Variants in NR6A1 observed in about 807,000 individuals in gnomAD.
NR6A1 encodes the protein retinoic acid receptor-related testis-associated receptor.
In NR6A1, 7 loss-of-function variants were observed where a neutral mutation model predicts 59.1. That is an observed-to-expected ratio of 0.12 (90% CI 0.07 to 0.22). The LOEUF is 0.22. Ranked by LOEUF, NR6A1 falls within the 10% of genes least tolerant of loss-of-function variation. The pLI is 1.00. For missense variants in NR6A1, 468 were observed against 611.6 expected, an observed-to-expected ratio of 0.77 and a Z score of 2.48; for synonymous variants, 243 against 236.1, an observed-to-expected ratio of 1.03 and a Z score of -0.27.
intron 2 of NR6A1, among the ~76,000 whole-genome samples, chr9:124,672,928 A>G (rs1208485994): frequency 6.6e-6 from 1 of 152,162 alleles, no homozygotes; most frequent in Non-Finnish European, 1.5e-5. Context: ...CAGAAAAATA[A>G]AAGACATTTG....
chr9:124,683,121 G>A (rs748525002), intron 2 of NR6A1, among the ~76,000 whole-genome samples: 2 of 152,122 alleles, frequency 1.3e-5, no homozygotes, highest in Non-Finnish European at 2.9e-5. Context: ...AGGATCACTT[G>A]AGCTCAGGAG....
At chr9:124,595,764 T>C (rs1835254462) in intron 2 of NR6A1, 1 of 1,288,182 alleles carries the variant, frequency 7.8e-7, no homozygotes, top group South Asian at 1.2e-5. Context: ...CATGTCTCCA[T>C]TTCATGCTTC....
At chr9:124,629,312 G>T (rs1836350612) in intron 2 of NR6A1, among the ~76,000 whole-genome samples, 1 of 152,194 alleles carries the variant, frequency 6.6e-6, no homozygotes, top group Non-Finnish European at 1.5e-5. Flanking sequence ...GCTGTAAAGT[G>T]AGACTGTATT....
intron 2 of NR6A1, among the ~76,000 whole-genome samples, chr9:124,701,226 C>T (rs1228289064): frequency 6.6e-6 from 1 of 152,206 alleles, no homozygotes; most frequent in Non-Finnish European, 1.5e-5. Flanking sequence ...TCTACACATC[C>T]TAACACTTTC....
intron 2 of NR6A1, among the ~76,000 whole-genome samples, chr9:124,642,139 C>T (rs1836784554): frequency 6.6e-6 from 1 of 152,178 alleles, no homozygotes; most frequent in Admixed American, 6.5e-5. Context: ...ACCTCTGCCT[C>T]CTGGGTTCAA....
At chr9:124,621,089 C>G (rs575615724) in intron 2 of NR6A1, among the ~76,000 whole-genome samples, 108 of 152,306 alleles carry the variant, frequency 7.1e-4, no homozygotes, top group African/African-American at 2.3e-3. Context: ...TGTACCAAGA[C>G]TTCAAGATTC....
chr9:124,709,760 C>T (rs1839224170), intron 2 of NR6A1, among the ~76,000 whole-genome samples: 1 of 151,914 alleles, frequency 6.6e-6, no homozygotes, highest in East Asian at 1.9e-4. Flanking sequence ...ACGGTGAAAC[C>T]CTGTCTCTAC....
chr9:124,710,046 A>C (rs1397057603), intron 2 of NR6A1, among the ~76,000 whole-genome samples: 1 of 152,150 alleles, frequency 6.6e-6, no homozygotes, highest in Non-Finnish European at 1.5e-5. Flanking sequence ...ACTCCAGAGA[A>C]AAGAGAATCA....
Position 124,521,003 on chromosome 9 carries a change from T to G in NR6A1, c.*1702A>C, listed in dbSNP as rs1044343835. 3 of 152,230 alleles carry G rather than the reference T, an allele frequency of 2.0e-5. No individual in the cohort carries two copies. The highest frequency in any genetic ancestry group is 7.2e-5 in the African/African-American group (3 of 41,462). The allele number at this position is 152,230 out of a possible 1,614,324, so 9.4% of individuals were successfully genotyped here. ...ACAATCAGACATGGACTACCCAGTA[T>G]GCACACGACGTGGTGCCCTCCTGGG... On this transcript the variant is annotated 3_prime_UTR_variant, in exon 10 of 10. Coordinates refer to ENST00000487099, the MANE Select transcript of NR6A1 (RefSeq NM_033334.4).
intron 2 of NR6A1, among the ~76,000 whole-genome samples, chr9:124,645,059 CA>C (rs1186604271): frequency 3.9e-5 from 6 of 152,052 alleles, no homozygotes; most frequent in Admixed American, 1.3e-4. Context: ...TGAATGACAG[CA>C]AAATAGACTT....
At chr9:124,611,199 G>T (rs956546074) in intron 2 of NR6A1, among the ~76,000 whole-genome samples, 2 of 151,896 alleles carry the variant, frequency 1.3e-5, no homozygotes, top group Non-Finnish European at 2.9e-5. Context: ...TTGGGATCAG[G>T]CCATTTTGGT....
chr9:124,717,469 C>T (rs1405295647), intron 2 of NR6A1, among the ~76,000 whole-genome samples: 1 of 152,134 alleles, frequency 6.6e-6, no homozygotes. Context: ...CGAAAGAGCA[C>T]ATATTGTATG....
At chr9:124,629,439 A>C (rs1836357346) in intron 2 of NR6A1, among the ~76,000 whole-genome samples, 1 of 152,200 alleles carries the variant, frequency 6.6e-6, no homozygotes, top group Non-Finnish European at 1.5e-5. Flanking sequence ...CTTAATAGTA[A>C]ATCCACTTAT....
chr9:124,728,637 A>AAAATAAATAAATAAATAAATAAAT (rs57250774), intron 2 of NR6A1, among the ~76,000 whole-genome samples: 18 of 144,944 alleles, frequency 1.2e-4, no homozygotes, highest in East Asian at 8.4e-4. Context: ...TCCGCCTCAA[A>AAAATAAATAAATAAATAAATAAAT]AAATAAATAA....
At chr9:124,539,629 T>C (rs935454002) in intron 5 of NR6A1, among the ~76,000 whole-genome samples, 3 of 152,216 alleles carry the variant, frequency 2.0e-5, no homozygotes, top group Non-Finnish European at 4.4e-5. Context: ...CCTTCAATGT[T>C]TCTTAAAATT....
intron 1 of NR6A1, among the ~76,000 whole-genome samples, chr9:124,759,320 C>G (rs547016866): frequency 6.6e-6 from 1 of 152,188 alleles, no homozygotes; most frequent in African/African-American, 2.4e-5. Flanking sequence ...TTGGCCATCT[C>G]GTCTTAATCT....
rs1027310033 is a variant in NR6A1, at chr9:124,518,009, A to G, written c.*4696T>C. 3 of 151,562 alleles carry G rather than the reference A, an allele frequency of 2.0e-5. No homozygotes were observed. The highest frequency in any genetic ancestry group is 4.8e-5 in the African/African-American group (2 of 41,252). 9.4% of individuals were successfully genotyped at this position (151,562 alleles called of 1,614,324 possible). ...AATCAACAACATTATCACCTATTAC[A>G]AGACATTTTAGAGAAAGAAAACAAT... On this transcript the variant is annotated 3_prime_UTR_variant, in exon 10 of 10. Coordinates refer to ENST00000487099, the MANE Select transcript of NR6A1 (RefSeq NM_033334.4).
chr9:124,725,713 G>A (rs547986245), intron 2 of NR6A1, among the ~76,000 whole-genome samples: 1 of 152,320 alleles, frequency 6.6e-6, no homozygotes, highest in Admixed American at 6.5e-5. Flanking sequence ...CAAGGCAGGA[G>A]GATCACTTGA....
intron 2 of NR6A1, among the ~76,000 whole-genome samples, chr9:124,673,813 T>C (rs77108934): frequency 0.018 from 2,706 of 152,214 alleles, 79 homozygotes; most frequent in African/African-American, 0.061. Context: ...CTAAAGAAGA[T>C]AAGCAAGGGC....
Sources: allele counts gnomAD v4.1 joint callset (sites outside exome capture counted in the v4.1 genomes callset), GRCh38; gene constraint gnomAD v4.1.1; transcripts MANE v1.5; gene names NCBI Gene and HGNC (gene_info 2026-07-23, HGNC 2026-07-21).